Variants in NPL observed in about 807,000 individuals in gnomAD.
The protein encoded by NPL is N-acetylneuraminate pyruvate lyase, also known as N-acetylneuraminate lyase.
A neutral mutation model predicts 41.1 loss-of-function variants in NPL; 32 were observed. The ratio of observed to expected loss-of-function variants is 0.78; its 90% CI spans 0.59 to 1.05. The LOEUF (loss-of-function observed/expected upper bound fraction) is 1.05. Among genes scored for constraint, NPL ranks in the 50% least tolerant of loss-of-function variants. NPL has a pLI of 0.00. For missense variants in NPL, 321 were observed against 378.4 expected, an observed-to-expected ratio of 0.85 and a Z score of 1.26; for synonymous variants, 128 against 134.9, an observed-to-expected ratio of 0.95 and a Z score of 0.35.
In NPL at chr1:182,812,196, AAGG is replaced by A; in HGVS notation, c.274_276del (p.Glu92del). ...AATTCACGTAGGAGCACTGAGCTTG[AAGG>A]AGTCACAGGAACTGGTATGTATGCA... On this transcript the variant is annotated inframe_deletion, in exon 6 of 13. Coordinates refer to ENST00000367553, the MANE Select transcript of NPL (RefSeq NM_030769.3). The A allele has an allele frequency of 1.5e-5, 25 of 1,613,834 alleles. No individual in the cohort carries two copies. Among genetic ancestry groups the A allele is most frequent in the Non-Finnish European group, 2.1e-5 (25 of 1,179,752 alleles).
At chr1:182,794,312 A>G in intron 2 of NPL, 44 bp from the exon 3 acceptor site, 2 of 1,518,628 alleles carry the variant, frequency 1.3e-6, no homozygotes, top group South Asian at 2.2e-5. Context: ...TTTATCATTG[A>G]CATTCCTTGA....
At chr1:182,800,035 T>C (rs1666791407) in intron 3 of NPL, among the ~76,000 whole-genome samples, 1 of 152,124 alleles carries the variant, frequency 6.6e-6, no homozygotes, top group Non-Finnish European at 1.5e-5. Context: ...AATAATCCAA[T>C]CTCATTGTTT....
rs1394946459 is a variant in NPL at position 182,789,783 on chromosome 1, C to G, written c.-94C>G. 1 of 153,746 alleles carries G rather than the reference C, an allele frequency of 6.5e-6. No individual in the cohort carries two copies. Among genetic ancestry groups the G allele is most frequent in the African/African-American group, 2.4e-5 (1 of 41,478 alleles). 9.5% of individuals were successfully genotyped at this position (153,746 alleles called of 1,614,324 possible). On this transcript the variant is annotated 5_prime_UTR_variant, in exon 1 of 13. Coordinates refer to ENST00000367553, the MANE Select transcript of NPL (RefSeq NM_030769.3). The stretch of plus-strand genomic sequence containing the variant: ...CGGCGGCTGCCGGGCGGAGCGGCTG[C>G]ACGGACAAGAGCGGAGGCCTGGGTG...
intron 1 of NPL, among the ~76,000 whole-genome samples, chr1:182,791,821 G>A (rs553269426): frequency 6.6e-6 from 1 of 152,292 alleles, no homozygotes; most frequent in African/African-American, 2.4e-5. Flanking sequence ...GGTGTTTAAT[G>A]CTGACTCAAG....
At chr1:182,814,921 A>G in intron 7 of NPL, 63 bp downstream of exon 7, 2 of 1,296,506 alleles carry the variant, frequency 1.5e-6, no homozygotes, top group Non-Finnish European at 2.2e-6. Context: ...CCTCCATTCA[A>G]AATGGTTATA....
At chr1:182,790,031 T>C (rs575251479) in intron 1 of NPL, among the ~76,000 whole-genome samples, 6 of 152,324 alleles carry the variant, frequency 3.9e-5, no homozygotes, top group Non-Finnish European at 8.8e-5. Context: ...CTCCCCCGGA[T>C]TGTTTGCAGA....
intron 2 of NPL, among the ~76,000 whole-genome samples, chr1:182,793,360 G>C (rs1287754631): frequency 6.6e-6 from 1 of 152,156 alleles, no homozygotes; most frequent in Non-Finnish European, 1.5e-5. Flanking sequence ...CTGCCAGATG[G>C]TGAGAGATCC....
At position 182,828,581 on chromosome 1, in the gene NPL, T is replaced by C; in HGVS notation, c.779-143T>C. ...ATTTCGAATGATTGCTCATCTGTCATATTGACTAGAAATGTTCCCATCTTT... is the reference window on the plus strand; with the variant it reads ...ATTTCGAATGATTGCTCATCTGTCACATTGACTAGAAATGTTCCCATCTTT... On this transcript the variant is annotated intron_variant, in intron 12 of 12. Transcript: ENST00000367553. This position sits in a 1 kb window ranked among gnomAD's most constrained non-coding sequence, Gnocchi z 4.0. 9.7e-7 allele frequency: 1 copy of C among 1,033,736 alleles called. No individual in the cohort carries two copies. The highest frequency in any genetic ancestry group is 1.5e-6 in the Non-Finnish European group (1 of 687,580). 64.0% of individuals were successfully genotyped at this position (1,033,736 alleles called of 1,614,324 possible).
chr1:182,804,417 C>T (rs1411144529), intron 4 of NPL, among the ~76,000 whole-genome samples: 4 of 152,186 alleles, frequency 2.6e-5, no homozygotes, highest in African/African-American at 9.7e-5. Flanking sequence ...CGTGAGCCAC[C>T]GCGCCCAGCC....
intron 6 of NPL, among the ~76,000 whole-genome samples, chr1:182,814,063 G>A (rs1032466052): frequency 3.9e-5 from 6 of 152,184 alleles, no homozygotes; most frequent in Non-Finnish European, 2.9e-5. Context: ...AGTGGGGCAC[G>A]TTCTGAAACA....
Position 182,829,989 on chromosome 1 carries a change from T to C in NPL, c.*1081T>C, listed in dbSNP as rs1188013746. 1 of 199,878 alleles carries C rather than the reference T, an allele frequency of 5.0e-6. No individual in the cohort carries two copies. The allele number at this position is 199,878 out of a possible 1,614,324, so 12.4% of individuals were successfully genotyped here. ...ACTGATTTTAAACTTGACTATCCAGTCTGTTAATTACCTAAGATTTTGTTT... is the reference window on the plus strand; with the variant it reads ...ACTGATTTTAAACTTGACTATCCAGCCTGTTAATTACCTAAGATTTTGTTT... On this transcript the variant is annotated 3_prime_UTR_variant, in exon 13 of 13. Coordinates refer to ENST00000367553, the MANE Select transcript of NPL (RefSeq NM_030769.3).
At chr1:182,825,478 T>C (rs1667606509) in intron 11 of NPL, among the ~76,000 whole-genome samples, 1 of 152,220 alleles carries the variant, frequency 6.6e-6, no homozygotes, top group Non-Finnish European at 1.5e-5. Context: ...GCTGATAAGT[T>C]TACCTATGTA....
chr1:182,806,237 G>A lies in NPL; in HGVS notation c.230+5G>A. ...GGTGACAAAAGGGAAGGACAAGTGA[G>A]TGGCTGCATGAGGATAAAAATGCCC... On this transcript the variant is annotated splice_donor_5th_base_variant and intron_variant, in intron 5 of 12. Coordinates refer to ENST00000367553, the MANE Select transcript of NPL (RefSeq NM_030769.3). 6.2e-7 allele frequency: 1 copy of A among 1,614,264 alleles called. No individual in the cohort carries two copies. Among genetic ancestry groups the A allele is most frequent in the Non-Finnish European group, 8.5e-7 (1 of 1,180,052 alleles).
Position 182,812,201 on chromosome 1 carries a change from G to T in NPL, c.276G>T (p.Glu92Asp). Reference protein sequence around the residue: ...IIHVGALSLKESQELAQHAAE... With the variant: ...IIHVGALSLKDSQELAQHAAE... ...ACGTAGGAGCACTGAGCTTGAAGGAGTCACAGGAACTGGTATGTATGCAGT... is the reference window on the plus strand; with the variant it reads ...ACGTAGGAGCACTGAGCTTGAAGGATTCACAGGAACTGGTATGTATGCAGT... Residue 92 changes from glutamate to aspartate, a missense_variant, in exon 6 of 13, where the codon GAG becomes GAT. Transcript: ENST00000367553. 6.2e-7 allele frequency: 1 copy of T among 1,613,846 alleles called. No homozygotes were observed. The highest frequency in any genetic ancestry group is 1.1e-5 in the South Asian group (1 of 91,090).
rs2275172 is a variant in NPL at position 182,814,848 on chromosome 1, A to G, written c.354A>G (p.Pro118=). Residue 118 remains proline (P), a synonymous_variant, in exon 7 of 13, where the codon CCA becomes CCG. Transcript: ENST00000367553. ...TCATTGCACCGTTCTTCCTCAAGCC[A>G]TGGACCAAAGGTAAGTAGATAGGTC... ...IAVIAPFFLK[P]WTKDILINFL... is the part of the protein sequence containing the mutation. The G allele has an allele frequency of 2.8e-3, 4,463 of 1,613,924 alleles. 75 individuals are homozygous for G. In the Admixed American group the frequency reaches 0.036, roughly 13 times the overall value.
chr1:182,825,714 T>G (rs1667612962), intron 11 of NPL, 67 bp from the exon 12 acceptor site: 1 of 1,106,874 alleles, frequency 9.0e-7, no homozygotes, highest in Non-Finnish European at 1.4e-6. Flanking sequence ...GTAATTTGAC[T>G]TCTACATTAT....
intron 10 of NPL, among the ~76,000 whole-genome samples, chr1:182,820,712 A>C (rs1667465717): frequency 6.6e-6 from 1 of 152,130 alleles, no homozygotes; most frequent in Non-Finnish European, 1.5e-5. Flanking sequence ...CTTTTAAATA[A>C]CTGGATCTCA....
intron 10 of NPL, among the ~76,000 whole-genome samples, chr1:182,819,968 A>G (rs867020819): frequency 1.5e-4 from 23 of 152,258 alleles, no homozygotes; most frequent in Admixed American, 6.5e-4. Flanking sequence ...CAGAATCTCA[A>G]TAGCCAAGGC....
intron 5 of NPL, among the ~76,000 whole-genome samples, chr1:182,807,061 ATC>A (rs1477647767): frequency 1.3e-5 from 2 of 152,012 alleles, no homozygotes; most frequent in African/African-American, 2.4e-5. Flanking sequence ...GATGGTCTTG[ATC>A]TCCTGATTTC....
Sources: allele counts gnomAD v4.1 joint callset (sites outside exome capture counted in the v4.1 genomes callset), GRCh38; gene constraint gnomAD v4.1.1; non-coding constraint Gnocchi (gnomAD v3.1); transcripts MANE v1.5; gene names NCBI Gene and HGNC (gene_info 2026-07-23, HGNC 2026-07-21).